The following BBS9 variants were observed in gnomAD, a reference collection of about 807,000 sequenced individuals.
BBS9 encodes the protein protein PTHB1.
Under a neutral mutation model 117.7 loss-of-function variants are expected in BBS9, and 89 were observed. The observed-to-expected ratio is 0.76, with a 90% confidence interval of 0.64 to 0.90. BBS9 has a LOEUF of 0.90. Among genes scored for constraint, BBS9 ranks in the 40% least tolerant of loss-of-function variants. The pLI, the probability that BBS9 is intolerant of heterozygous loss-of-function variation, is 0.00. For synonymous variants in BBS9, 379 were observed against 370.9 expected (o/e 1.02, Z -0.25); for missense variants, 982 against 1,042.2 (o/e 0.94, Z 0.80).
chr7:33,346,169 A>T, intron 12 of BBS9: 1 of 430,524 alleles, frequency 2.3e-6, no homozygotes, highest in South Asian at 1.8e-5. Flanking sequence ...ATCCTGTCTG[A>T]CAGTTTCTAT....
At chr7:33,430,196 C>G (rs150602367) in intron 19 of BBS9, among the ~76,000 whole-genome samples, 362 of 152,262 alleles carry the variant, frequency 2.4e-3, no homozygotes, top group African/African-American at 8.6e-3. Context: ...TCCCTACAAC[C>G]AATTAACTGA....
intron 21 of BBS9, among the ~76,000 whole-genome samples, chr7:33,535,408 A>C (rs908793526): frequency 5.3e-5 from 8 of 152,326 alleles, no homozygotes; most frequent in African/African-American, 1.9e-4. Flanking sequence ...GTGGAAAAAT[A>C]GCTGGTTTGG....
At chr7:33,453,882 A>G (rs1404132114) in intron 19 of BBS9, among the ~76,000 whole-genome samples, 2 of 152,200 alleles carry the variant, frequency 1.3e-5, no homozygotes, top group Non-Finnish European at 2.9e-5. Flanking sequence ...TATATTAAAT[A>G]TGTGTTAATT....
chr7:33,496,540 T>C (rs1435535870), intron 19 of BBS9, among the ~76,000 whole-genome samples: 2 of 151,892 alleles, frequency 1.3e-5, no homozygotes, highest in Non-Finnish European at 2.9e-5. Context: ...CTGGTTTTGG[T>C]TTACAAATTT....
At chr7:33,350,151 C>A (rs754707148) in intron 13 of BBS9, among the ~76,000 whole-genome samples, 1 of 151,998 alleles carries the variant, frequency 6.6e-6, no homozygotes, top group Non-Finnish European at 1.5e-5. Context: ...CCTTTCAAGT[C>A]TTTTTTCTTT....
At chr7:33,281,096 C>G (rs1801798240) in intron 9 of BBS9, among the ~76,000 whole-genome samples, 1 of 151,034 alleles carries the variant, frequency 6.6e-6, no homozygotes, top group African/African-American at 2.4e-5. Flanking sequence ...TTGATATTTT[C>G]TTGTATTTGT....
chr7:33,617,330 A>G (rs149251441), intron 21 of BBS9, among the ~76,000 whole-genome samples: 2 of 152,260 alleles, frequency 1.3e-5, no homozygotes, highest in East Asian at 1.9e-4. Context: ...GCAGAAGTCA[A>G]TGTATTAATT....
chr7:33,409,350 G>C (rs1830678312), intron 19 of BBS9, among the ~76,000 whole-genome samples: 1 of 152,162 alleles, frequency 6.6e-6, no homozygotes, highest in South Asian at 2.1e-4. Context: ...GATAGGTAGG[G>C]ATCCAGTTTC....
At chr7:33,336,699 G>C in intron 10 of BBS9, 77 bp downstream of exon 10, 1 of 1,075,600 alleles carries the variant, frequency 9.3e-7, no homozygotes, top group Non-Finnish European at 1.4e-6. Context: ...ATATTATTTT[G>C]TGTATTTGTT....
At chr7:33,618,314 C>T (rs974494896) in intron 21 of BBS9, among the ~76,000 whole-genome samples, 1 of 151,220 alleles carries the variant, frequency 6.6e-6, no homozygotes, top group African/African-American at 2.4e-5. Flanking sequence ...CACTGCACTC[C>T]AGCCTGGGTG....
intron 7 of BBS9, among the ~76,000 whole-genome samples, chr7:33,268,305 A>G (rs558181288): frequency 2.0e-5 from 3 of 152,334 alleles, no homozygotes; most frequent in African/African-American, 4.8e-5. Flanking sequence ...GTCTGTATGC[A>G]GCATTTATAT....
At chr7:33,622,218 CA>C (rs150665671) in intron 21 of BBS9, among the ~76,000 whole-genome samples, 1 of 151,344 alleles carries the variant, frequency 6.6e-6, no homozygotes, top group Non-Finnish European at 1.5e-5. Context: ...AAAATAAAAA[CA>C]AAAAAAATAA....
chr7:33,212,409 T>A (rs776435304), intron 5 of BBS9, among the ~76,000 whole-genome samples: 36 of 152,316 alleles, frequency 2.4e-4, no homozygotes, highest in South Asian at 8.3e-4. Flanking sequence ...TCTGCTTGAT[T>A]CTTTTTAATT....
Position 33,465,936 on chromosome 7 carries a change from A to G in BBS9, c.2116-39527A>G, listed in dbSNP as rs181509183. 5.1e-3 allele frequency among the ~76,000 whole-genome samples: 775 copies of G among 152,310 alleles called. 9 individuals are homozygous for G. The highest frequency in any genetic ancestry group is 6.4e-3 in the Non-Finnish European group (432 of 68,004). ...TTTGATGAACTATAAAAATGAATCA[A>G]GTTGATATAAATCAAGGAAGATCAT... On this transcript the variant is annotated intron_variant, in intron 19 of 22. Transcript: ENST00000242067.
At chr7:33,397,326 A>G (rs192240695) in intron 19 of BBS9, among the ~76,000 whole-genome samples, 1 of 152,278 alleles carries the variant, frequency 6.6e-6, no homozygotes, top group East Asian at 1.9e-4. Flanking sequence ...AACAACAGAT[A>G]CTGATGAGGT....
intron 9 of BBS9, among the ~76,000 whole-genome samples, chr7:33,293,071 C>T (rs1246691295): frequency 6.6e-6 from 1 of 151,576 alleles, no homozygotes; most frequent in Non-Finnish European, 1.5e-5. Context: ...TCATTTTATA[C>T]CAACAGTCAT....
At chr7:33,278,861 T>C (rs1801280598) in intron 9 of BBS9, among the ~76,000 whole-genome samples, 1 of 152,228 alleles carries the variant, frequency 6.6e-6, no homozygotes, top group Non-Finnish European at 1.5e-5. Context: ...TGTAACTGTC[T>C]GACGAGTTCT....
chr7:33,544,330 A>T lies in BBS9; in HGVS notation c.2521+10154A>T, dbSNP rs540999253. Among the ~76,000 whole-genome samples the T allele has an allele frequency of 2.0e-5, 3 of 152,248 alleles. No individual in the cohort carries two copies. In the East Asian group the frequency reaches 5.8e-4, roughly 29 times the overall value. On this transcript the variant is annotated intron_variant, in intron 21 of 22. Transcript: ENST00000242067. ...TTCTCATTTGGGTAGTCTCTGTCAG[A>T]GGGAAGGTCTATGGCTGAAAGCTGT... is the stretch of plus-strand genomic sequence containing the variant.
intron 5 of BBS9, among the ~76,000 whole-genome samples, chr7:33,215,284 A>T (rs1267767609): frequency 6.6e-6 from 1 of 152,248 alleles, no homozygotes. Flanking sequence ...TAGTACTGGC[A>T]TAAAAAACAG....
Sources: gnomAD v4.1 joint callset for allele counts (sites outside exome capture counted in the v4.1 genomes callset) on GRCh38, gnomAD v4.1.1 for gene constraint, MANE v1.5 for transcripts, NCBI Gene and HGNC (gene_info 2026-07-23, HGNC 2026-07-21) for gene names.